ZNRF3: variants seen among roughly 807,000 people sequenced by gnomAD.
ZNRF3 encodes the protein zinc and ring finger 3.
ZNRF3 carries 23 observed loss-of-function variants against 72.5 expected under a neutral mutation model. That is an observed-to-expected ratio of 0.32 (90% CI 0.23 to 0.45). ZNRF3 has a LOEUF of 0.45. Among genes scored for constraint, ZNRF3 ranks in the 20% least tolerant of loss-of-function variants. ZNRF3 has a pLI of 1.00. For synonymous variants in ZNRF3, 610 were observed against 545.3 expected (o/e 1.12, Z -1.65); for missense variants, 1,169 against 1,272.1 (o/e 0.92, Z 1.23).
chr22:28,889,682 T>C (rs2033851015), intron 1 of ZNRF3, among the ~76,000 whole-genome samples: 1 of 152,202 alleles, frequency 6.6e-6, no homozygotes, highest in South Asian at 2.1e-4. Flanking sequence ...ATGAATTAAC[T>C]TCCCTCCTGT....
In ZNRF3 at chr22:29,003,292, G is replaced by A. The variant is rs559308006; in HGVS notation, c.426+16091G>A. On this transcript the variant is annotated intron_variant, in intron 2 of 8. Coordinates refer to ENST00000544604, the MANE Select transcript of ZNRF3 (RefSeq NM_001206998.2). ...AGCACTTTGGGAGGCCAAGGTGGGC[G>A]GATCACGAGGGCAGGAGATAGAGAC... is the stretch of plus-strand genomic sequence containing the variant. 1.5e-4 allele frequency among the ~76,000 whole-genome samples: 23 copies of A among 152,140 alleles called. 1 individual carries two copies. The highest frequency in any genetic ancestry group is 7.7e-4 in the East Asian group (4 of 5,174).
chr22:29,024,496 G>A (rs775450561), intron 2 of ZNRF3, among the ~76,000 whole-genome samples: 1 of 151,956 alleles, frequency 6.6e-6, no homozygotes, highest in African/African-American at 2.4e-5. Flanking sequence ...GATATAAAGT[G>A]GAGACACATA....
At chr22:29,021,634 C>T (rs886414410) in intron 2 of ZNRF3, among the ~76,000 whole-genome samples, 1 of 151,710 alleles carries the variant, frequency 6.6e-6, no homozygotes, top group African/African-American at 2.4e-5. Context: ...ATTACAGGCA[C>T]GCGCCACCAT....
chr22:28,984,686 T>A (rs2035822861), intron 1 of ZNRF3, among the ~76,000 whole-genome samples: 1 of 152,228 alleles, frequency 6.6e-6, no homozygotes, highest in South Asian at 2.1e-4. Flanking sequence ...AGCCCTTTCC[T>A]GGAGGTCAGA....
intron 1 of ZNRF3, among the ~76,000 whole-genome samples, chr22:28,983,220 G>A (rs1343860183): frequency 6.6e-6 from 1 of 152,194 alleles, no homozygotes; most frequent in Non-Finnish European, 1.5e-5. Flanking sequence ...GTGTCAGGAA[G>A]ATTTGATAGA....
intron 1 of ZNRF3, among the ~76,000 whole-genome samples, chr22:28,958,845 G>A (rs1013559414): frequency 1.8e-4 from 28 of 152,274 alleles, no homozygotes; most frequent in East Asian, 1.9e-4. Flanking sequence ...GTTCAGAACC[G>A]AATGAATTGC....
intron 1 of ZNRF3, among the ~76,000 whole-genome samples, chr22:28,960,493 T>C (rs1011999360): frequency 1.3e-5 from 2 of 152,184 alleles, no homozygotes; most frequent in African/African-American, 4.8e-5. Flanking sequence ...TACTGTTAAT[T>C]AATTTGAGCA....
At chr22:29,036,296 C>T (rs985480930) in intron 2 of ZNRF3, among the ~76,000 whole-genome samples, 3 of 152,124 alleles carry the variant, frequency 2.0e-5, no homozygotes, top group African/African-American at 4.8e-5. Flanking sequence ...TATTAGAGCT[C>T]AGAGAGAGGT....
At chr22:28,984,119 G>GT (rs113767390) in intron 1 of ZNRF3, among the ~76,000 whole-genome samples, 225 of 133,544 alleles carry the variant, frequency 1.7e-3, no homozygotes, top group South Asian at 7.7e-3. Context: ...ACAGTTGCTT[G>GT]TTTTTTTTTT....
chr22:28,999,713 T>C (rs1217111378), intron 2 of ZNRF3, among the ~76,000 whole-genome samples: 1 of 152,216 alleles, frequency 6.6e-6, no homozygotes, highest in East Asian at 1.9e-4. Context: ...GGGGCTACCA[T>C]GACAGTGACT....
At chr22:29,035,767 G>T (rs1043687933) in intron 2 of ZNRF3, among the ~76,000 whole-genome samples, 5 of 151,932 alleles carry the variant, frequency 3.3e-5, no homozygotes, top group African/African-American at 1.2e-4. Context: ...TTTATTAGAG[G>T]TGGGATTTCA....
intron 2 of ZNRF3, among the ~76,000 whole-genome samples, chr22:29,039,775 C>T (rs1426493388): frequency 8.4e-5 from 10 of 119,604 alleles, no homozygotes; most frequent in Admixed American, 7.9e-4. Flanking sequence ...AGTGAGACCT[C>T]GTCTCTACCA....
intron 1 of ZNRF3, among the ~76,000 whole-genome samples, chr22:28,892,579 A>G (rs1224901588): frequency 1.3e-5 from 2 of 152,164 alleles, no homozygotes; most frequent in East Asian, 3.8e-4. Context: ...CTTGAATGAG[A>G]TGTTTTAAAA....
intron 1 of ZNRF3, among the ~76,000 whole-genome samples, chr22:28,961,488 T>G (rs913679126): frequency 6.6e-6 from 1 of 152,062 alleles, no homozygotes; most frequent in African/African-American, 2.4e-5. Context: ...GTGGAGGCAA[T>G]GGGGCAAGAG....
At chr22:28,964,057 G>A (rs937090763) in intron 1 of ZNRF3, among the ~76,000 whole-genome samples, 11 of 152,168 alleles carry the variant, frequency 7.2e-5, no homozygotes, top group Admixed American at 3.3e-4. Flanking sequence ...CCAGGTTGCC[G>A]GGGATGAGGG....
intron 1 of ZNRF3, among the ~76,000 whole-genome samples, chr22:28,921,358 C>T (rs1039843059): frequency 1.3e-5 from 2 of 152,204 alleles, no homozygotes; most frequent in African/African-American, 4.8e-5. Context: ...CCCGCCTTCC[C>T]CTAATATTCT....
Position 29,042,476 on chromosome 22 carries a change from G to A in ZNRF3, c.427-19G>A, listed in dbSNP as rs373751401. 9.9e-6 allele frequency: 16 copies of A among 1,613,274 alleles called. No homozygotes were observed. The highest frequency in any genetic ancestry group is 3.3e-4 in the Middle Eastern group (2 of 6,028). ...AAGAGGACCAGAGGGCCAACCTGCT[G>A]TTTTTTTAACTCTGGCAGGCCAAGC... On this transcript the variant is annotated intron_variant, in intron 2 of 8. Transcript: ENST00000544604.
chr22:28,987,207 C>T lies in ZNRF3; in HGVS notation c.426+6C>T. 6.2e-7 allele frequency: 1 copy of T among 1,605,156 alleles called. No individual in the cohort carries two copies. Reference sequence around the variant, plus strand: ...GCCTCACTGTCCTAGGCAAGGTAAGCACCAGGCCCTTGGAATCACTGTGTT... The same window carrying T: ...GCCTCACTGTCCTAGGCAAGGTAAGTACCAGGCCCTTGGAATCACTGTGTT... On this transcript the variant is annotated splice_donor_region_variant and intron_variant, in intron 2 of 8. Coordinates refer to ENST00000544604, the MANE Select transcript of ZNRF3 (RefSeq NM_001206998.2).
At chr22:28,887,642 A>G (rs2033816464) in intron 1 of ZNRF3, among the ~76,000 whole-genome samples, 1 of 152,198 alleles carries the variant, frequency 6.6e-6, no homozygotes. Flanking sequence ...TTATGTATTT[A>G]TGCAGTATTA....
Sources: allele counts gnomAD v4.1 joint callset (sites outside exome capture counted in the v4.1 genomes callset), GRCh38; gene constraint gnomAD v4.1.1; transcripts MANE v1.5; gene names NCBI Gene and HGNC (gene_info 2026-07-23, HGNC 2026-07-21).